Variants in MRPL43 observed in about 807,000 individuals in gnomAD.
The protein encoded by MRPL43 is mitochondrial ribosomal protein L43, also known as large ribosomal subunit protein mL43.
MRPL43 carries 9 observed loss-of-function variants against 12.7 expected under a neutral mutation model. The ratio of observed to expected loss-of-function variants is 0.71; its 90% CI spans 0.43 to 1.24. MRPL43 has a LOEUF of 1.24. MRPL43 is among the 50% of genes most tolerant of loss of function. The pLI is 0.00. For missense variants in MRPL43, 211 were observed against 229.2 expected, an observed-to-expected ratio of 0.92 and a Z score of 0.51; for synonymous variants, 116 against 96.4, an observed-to-expected ratio of 1.20 and a Z score of -1.19.
chr10:100,980,641 A>G (rs762280561), downstream of MRPL43: 50 of 1,614,020 alleles, frequency 3.1e-5, no homozygotes, highest in Non-Finnish European at 4.2e-5. Context: ...GAAGAGACAC[A>G]AGTGTTCAGG....
At chr10:100,983,720 G>A, downstream of MRPL43, 1 of 1,613,560 alleles carries the variant, frequency 6.2e-7, no homozygotes, top group Non-Finnish European at 8.5e-7. Context: ...CCTGTCTGCG[G>A]GAAGGCAGAC....
Position 100,986,695 on chromosome 10 carries a change from C to T in MRPL43, c.*39G>A, listed in dbSNP as rs747061358. The T allele has an allele frequency of 6.2e-7, 1 of 1,613,810 alleles. No homozygotes were observed. The highest frequency in any genetic ancestry group is 1.1e-5 in the South Asian group (1 of 91,076). ...GGAAGAACCACCTTTACCGGAGTAA[C>T]AGTCCAAAGCCTGGGGCTGCAGTTG... On this transcript the variant is annotated 3_prime_UTR_variant, in exon 3 of 3. Coordinates refer to ENST00000318364, the MANE Select transcript of MRPL43 (RefSeq NM_032112.3).
At chr10:100,977,855 T>C (rs756827687), downstream of MRPL43, 2 of 793,598 alleles carry the variant, frequency 2.5e-6, no homozygotes, top group Non-Finnish European at 4.3e-6. Context: ...GGGACTTCCA[T>C]ACAGGGCACT....
downstream of MRPL43, chr10:100,984,709 TAC>T: frequency 6.5e-7 from 1 of 1,536,132 alleles, no homozygotes; most frequent in Non-Finnish European, 8.7e-7. Context: ...GGACTTGGGG[TAC>T]CCTCCCAATT....
downstream of MRPL43, chr10:100,977,970 C>A (rs1850874199): frequency 5.2e-6 from 3 of 573,986 alleles, no homozygotes; most frequent in South Asian, 4.1e-5. Flanking sequence ...CTCCACCTGG[C>A]AAACTTCATT....
chr10:100,986,943 A>G lies in MRPL43; in HGVS notation c.271T>C (p.Cys91Arg). The G allele has an allele frequency of 6.2e-7, 1 of 1,608,480 alleles. No homozygotes were observed. Among genetic ancestry groups the G allele is most frequent in the Non-Finnish European group, 8.5e-7 (1 of 1,179,968 alleles). Residue 91 changes from cysteine (C) to arginine (R), a missense_variant, in exon 3 of 3, where the codon TGC becomes CGC. Coordinates refer to ENST00000318364, the MANE Select transcript of MRPL43 (RefSeq NM_032112.3). ...GTCGAGATCTCCTCGACCGACTTGCAGTGGATGCTCTCCTCGCGCACAGCC... is the reference window on the plus strand; with the variant it reads ...GTCGAGATCTCCTCGACCGACTTGCGGTGGATGCTCTCCTCGCGCACAGCC... Reference protein sequence around the residue: ...NGAVREESIHCKSVEEISTLV... With the variant: ...NGAVREESIHRKSVEEISTLV...
chr10:100,978,297 T>C (rs1205461904), downstream of MRPL43: 11 of 1,612,146 alleles, frequency 6.8e-6, no homozygotes, highest in South Asian at 1.1e-5. Context: ...TTCCCTAGGA[T>C]GCTGAGGCCT....
chr10:100,978,918 T>C, downstream of MRPL43: 1 of 1,614,142 alleles, frequency 6.2e-7, no homozygotes. Context: ...GATGACAAGG[T>C]GTACTACTTC....
At chr10:100,982,699 A>G (rs1441448122), downstream of MRPL43, among the ~76,000 whole-genome samples, 1 of 152,214 alleles carries the variant, frequency 6.6e-6, no homozygotes, top group African/African-American at 2.4e-5. Flanking sequence ...GCCAGAGGCA[A>G]GATAATCGCG....
rs746574404 is a variant in MRPL43 at position 100,987,452 on chromosome 10, C to G, written c.-9G>C. On this transcript the variant is annotated 5_prime_UTR_variant, in exon 1 of 3. Coordinates refer to ENST00000318364, the MANE Select transcript of MRPL43 (RefSeq NM_032112.3). ...GTCCCGCGCGCCGTCATAGCTACAG[C>G]TTGGAGGCCGCGGAGCCTAAGCAGC... 6.2e-6 allele frequency: 10 copies of G among 1,611,464 alleles called. No homozygotes were observed. Among genetic ancestry groups the G allele is most frequent in the African/African-American group, 4.0e-5 (3 of 74,936 alleles).
In MRPL43 at chr10:100,986,772, C is replaced by A. The variant is rs778530734; in HGVS notation, c.442G>T (p.Val148Phe). 8.1e-6 allele frequency: 13 copies of A among 1,613,752 alleles called. No homozygotes were observed. The highest frequency in any genetic ancestry group is 1.6e-4 in the Middle Eastern group (1 of 6,084). The stretch of plus-strand genomic sequence containing the variant: ...ACCTGGGCTGGGGCAGGATCCTGAA[C>A]CTCTCGGGGGCGTAGCCCGCGGAAC... ...TTFRGLRPRE[V>F]QDPAPAQVQA... Residue 148 changes from valine (V) to phenylalanine (F), a missense_variant, in exon 3 of 3, where the codon GTT (valine) becomes TTT (phenylalanine). Val to Phe is a conservative substitution (Grantham distance 50). Coordinates refer to ENST00000318364, the MANE Select transcript of MRPL43 (RefSeq NM_032112.3).
downstream of MRPL43, chr10:100,979,508 G>A (rs946625934): frequency 2.6e-5 from 29 of 1,113,270 alleles, no homozygotes; most frequent in African/African-American, 3.5e-4. Context: ...TCGGCCTCCC[G>A]AGTAGCTGGG....
At chr10:100,985,099 G>C (rs1057292576), downstream of MRPL43, 9 of 540,002 alleles carry the variant, frequency 1.7e-5, no homozygotes, top group Non-Finnish European at 2.9e-5. Flanking sequence ...TAGGATGGAT[G>C]ACCAACACTG....
chr10:100,978,233 A>T, downstream of MRPL43: 1 of 1,266,856 alleles, frequency 7.9e-7, no homozygotes, highest in African/African-American at 1.5e-5. Context: ...GACTGATCTG[A>T]CTTTGAGCCA....
downstream of MRPL43, chr10:100,980,830 CTA>C: frequency 1.3e-6 from 2 of 1,578,022 alleles, no homozygotes; most frequent in Non-Finnish European, 1.7e-6. Flanking sequence ...AGCACAGCCT[CTA>C]TGTGGGGGCT....
downstream of MRPL43, chr10:100,980,285 C>T (rs779441290): frequency 6.2e-7 from 1 of 1,614,254 alleles, no homozygotes; most frequent in Non-Finnish European, 8.5e-7. Context: ...ACACACCTTA[C>T]AGGGACACCT....
downstream of MRPL43, chr10:100,984,655 A>C (rs1330576370): frequency 6.5e-7 from 1 of 1,535,928 alleles, no homozygotes; most frequent in Non-Finnish European, 8.7e-7. Context: ...CAGTGCCCCC[A>C]CCCTCACCTT....
chr10:100,983,213 G>A (rs922335836), downstream of MRPL43: 2 of 1,372,536 alleles, frequency 1.5e-6, no homozygotes, highest in South Asian at 1.5e-5. Context: ...TCTGTGCTTG[G>A]TGCCAGGGAC....
chr10:100,981,618 A>C, downstream of MRPL43: 1 of 1,551,158 alleles, frequency 6.4e-7, no homozygotes, highest in Non-Finnish European at 8.9e-7. Flanking sequence ...CACTGATCTA[A>C]ATACTTCTAT....
Sources: gnomAD v4.1 joint callset for allele counts (sites outside exome capture counted in the v4.1 genomes callset) on GRCh38, gnomAD v4.1.1 for gene constraint, MANE v1.5 for transcripts, NCBI Gene and HGNC (gene_info 2026-07-23, HGNC 2026-07-21) for gene names.